The following XKR9 variants were observed in gnomAD, a reference collection of about 807,000 sequenced individuals.
XKR9 encodes XK-related protein 9.
In XKR9, 32 loss-of-function variants were observed where a neutral mutation model predicts 32.0. The ratio of observed to expected loss-of-function variants is 1.00; its 90% CI spans 0.76 to 1.34. The LOEUF (loss-of-function observed/expected upper bound fraction) is 1.34, where lower values mean the gene tolerates loss of function less well. Ranked by LOEUF, XKR9 falls within the 40% of genes most tolerant of loss-of-function variation. The probability of loss-of-function intolerance (pLI) is 0.00; values close to 1 mark genes in which losing one functional copy is unlikely to be tolerated. For missense variants in XKR9, 546 were observed against 429.7 expected (o/e 1.27, Z -2.39); for synonymous variants, 168 against 143.4 (o/e 1.17, Z -1.22).
the XKR9 span, among the ~76,000 whole-genome samples, chr8:70,807,557 G>A: frequency 1.3e-4 from 19 of 151,972 alleles, no homozygotes; most frequent in East Asian, 2.9e-3. Flanking sequence ...CAGAATAAAG[G>A]GATGGAGGAA....
At chr8:70,923,362 T>C in the XKR9 span, among the ~76,000 whole-genome samples, 1 of 152,230 alleles carries the variant, frequency 6.6e-6, no homozygotes, top group Non-Finnish European at 1.5e-5. Context: ...TCCAGCCATC[T>C]TGAATCTGTT....
the XKR9 span, among the ~76,000 whole-genome samples, chr8:70,863,367 G>C: frequency 6.6e-6 from 1 of 152,160 alleles, no homozygotes; most frequent in Non-Finnish European, 1.5e-5. Context: ...TACTATAGGT[G>C]GTATGGATGT....
intron 4 of XKR9, among the ~76,000 whole-genome samples, chr8:70,720,887 C>A (rs1806256249): frequency 6.6e-6 from 1 of 152,220 alleles, no homozygotes. Flanking sequence ...ACCAGCTCCT[C>A]TTTGTACCTC....
At chr8:70,968,679 A>C in the XKR9 span, among the ~76,000 whole-genome samples, 17 of 151,728 alleles carry the variant, frequency 1.1e-4, no homozygotes, top group African/African-American at 4.1e-4. Context: ...TTCTTTTGGC[A>C]GTCAGGCCAC....
the XKR9 span, among the ~76,000 whole-genome samples, chr8:70,895,545 A>G: frequency 6.6e-6 from 1 of 152,210 alleles, no homozygotes; most frequent in African/African-American, 2.4e-5. Flanking sequence ...CTTTGAATGT[A>G]TAGATGAATT....
the XKR9 span, among the ~76,000 whole-genome samples, chr8:70,864,861 T>G: frequency 6.6e-6 from 1 of 152,142 alleles, no homozygotes; most frequent in Non-Finnish European, 1.5e-5. Context: ...CCTTTTCAGA[T>G]CTTAAAGTTT....
chr8:71,004,784 G>GA, the XKR9 span, among the ~76,000 whole-genome samples: 2 of 152,116 alleles, frequency 1.3e-5, no homozygotes, highest in Non-Finnish European at 2.9e-5. Flanking sequence ...ACTGGGTGGG[G>GA]AAAAACGGTA....
At chr8:70,977,606 G>T in the XKR9 span, among the ~76,000 whole-genome samples, 1 of 152,190 alleles carries the variant, frequency 6.6e-6, no homozygotes, top group African/African-American at 2.4e-5. Context: ...GAGACAGTTT[G>T]TTGTGATTTC....
the XKR9 span, among the ~76,000 whole-genome samples, chr8:71,042,144 A>G: frequency 6.6e-6 from 1 of 152,226 alleles, no homozygotes; most frequent in East Asian, 1.9e-4. Context: ...TTTGAGGACA[A>G]CTTACCCTAG....
At chr8:70,902,265 T>A in the XKR9 span, among the ~76,000 whole-genome samples, 1 of 152,250 alleles carries the variant, frequency 6.6e-6, no homozygotes, top group Non-Finnish European at 1.5e-5. Context: ...TTTCACAAGA[T>A]TGATTCTTCC....
chr8:70,692,468 G>A (rs1805109862), intron 3 of XKR9, among the ~76,000 whole-genome samples: 1 of 152,024 alleles, frequency 6.6e-6, no homozygotes, highest in Admixed American at 6.6e-5. Flanking sequence ...GAATAGAAGT[G>A]GAGAGAGAGG....
At chr8:70,972,119 A>G in the XKR9 span, among the ~76,000 whole-genome samples, 1 of 152,038 alleles carries the variant, frequency 6.6e-6, no homozygotes, top group African/African-American at 2.4e-5. Context: ...TGTTTGTGTC[A>G]TCTATGATTT....
intron 2 of XKR9, among the ~76,000 whole-genome samples, chr8:70,779,899 A>T (rs1186624024): frequency 2.0e-5 from 3 of 152,066 alleles, no homozygotes; most frequent in Admixed American, 2.0e-4. Context: ...CTTTTCAAAA[A>T]ACCAGCTCTT....
In XKR9 at chr8:70,734,086, T is replaced by A; in HGVS notation, c.784T>A (p.Leu262Ile). ...TTGTACTTGTATAAGTATGGAATTC[T>A]TATATAGGATTGTTGTTGGATTCAT... Reference protein sequence around the residue: ...QFCTCISMEFLYRIVVGFILI... With the variant: ...QFCTCISMEFIYRIVVGFILI... The change falls in exon 5 of 5, where the codon TTA becomes ATA. Residue 262 changes from leucine to isoleucine, a missense_variant. By Grantham distance (5) the Leu-to-Ile change is conservative. Transcript: ENST00000408926. 1 of 1,612,902 alleles carries A rather than the reference T, an allele frequency of 6.2e-7. No individual in the cohort carries two copies. The highest frequency in any genetic ancestry group is 8.5e-7 in the Non-Finnish European group (1 of 1,179,124).
At chr8:70,764,509 A>T (rs959857525) in intron 2 of XKR9, among the ~76,000 whole-genome samples, 2 of 152,078 alleles carry the variant, frequency 1.3e-5, no homozygotes, top group African/African-American at 4.8e-5. Context: ...TCTTGTTTGG[A>T]CTTCTTCTAT....
At chr8:70,956,623 G>A in the XKR9 span, among the ~76,000 whole-genome samples, 1 of 152,124 alleles carries the variant, frequency 6.6e-6, no homozygotes, top group Non-Finnish European at 1.5e-5. Context: ...AGAGGTGCCT[G>A]CAGGCCCATG....
the XKR9 span, among the ~76,000 whole-genome samples, chr8:70,910,075 A>G: frequency 2.0e-5 from 3 of 151,742 alleles, no homozygotes; most frequent in African/African-American, 7.3e-5. Flanking sequence ...ATAAATGCTT[A>G]TTAACCTGAA....
At chr8:70,760,636 G>A (rs1408260726) in intron 2 of XKR9, among the ~76,000 whole-genome samples, 2 of 152,134 alleles carry the variant, frequency 1.3e-5, no homozygotes, top group African/African-American at 4.8e-5. Flanking sequence ...GCACATTTTA[G>A]CCATTTTTAT....
intron 3 of XKR9, among the ~76,000 whole-genome samples, chr8:70,701,208 T>G (rs186284235): frequency 3.3e-5 from 5 of 152,246 alleles, no homozygotes; most frequent in Admixed American, 3.3e-4. Flanking sequence ...CTGCGCCCAC[T>G]CTCTGGCACT....
Sources: gnomAD v4.1 joint callset for allele counts (sites outside exome capture counted in the v4.1 genomes callset) on GRCh38, gnomAD v4.1.1 for gene constraint, MANE v1.5 for transcripts, NCBI Gene and HGNC (gene_info 2026-07-23, HGNC 2026-07-21) for gene names.